XRCC4: variants seen among roughly 807,000 people sequenced by gnomAD.
XRCC4 encodes X-ray repair cross complementing 4.
Under a neutral mutation model 39.1 loss-of-function variants are expected in XRCC4, and 28 were observed. The ratio of observed to expected loss-of-function variants is 0.72; its 90% CI spans 0.53 to 0.98. The LOEUF (loss-of-function observed/expected upper bound fraction) is 0.98, where lower values mean the gene tolerates loss of function less well. Ranked by LOEUF, XRCC4 falls within the 50% of genes least tolerant of loss-of-function variation. The pLI, the probability that XRCC4 is intolerant of heterozygous loss-of-function variation, is 0.00. For missense variants in XRCC4, 350 were observed against 376.4 expected, an observed-to-expected ratio of 0.93 and a Z score of 0.58; for synonymous variants, 123 against 126.4, an observed-to-expected ratio of 0.97 and a Z score of 0.18.
chr5:83,233,625 T>C (rs1289189437), intron 6 of XRCC4, among the ~76,000 whole-genome samples: 1 of 151,584 alleles, frequency 6.6e-6, no homozygotes, highest in Non-Finnish European at 1.5e-5. Flanking sequence ...CGGTGGCTCA[T>C]GCCTGTAATC....
chr5:83,270,201 G>T lies in XRCC4; in HGVS notation c.893+11524G>T, dbSNP rs182461052. Among the ~76,000 whole-genome samples, 707 of 152,252 alleles carry T rather than the reference G, an allele frequency of 4.6e-3. 5 individuals carry two copies. The highest frequency in any genetic ancestry group is 7.3e-3 in the Non-Finnish European group (495 of 68,022). On this transcript the variant is annotated intron_variant, in intron 7 of 7. Transcript: ENST00000396027. ...GTGGAGCTCAGGTGGTAATGTGAGTGATGGGAGGCGGCTGTAAATACAGAT... is the reference window on the plus strand; with the variant it reads ...GTGGAGCTCAGGTGGTAATGTGAGTTATGGGAGGCGGCTGTAAATACAGAT...
At chr5:83,296,676 TAAAG>T (rs1755106351) in intron 7 of XRCC4, among the ~76,000 whole-genome samples, 1 of 151,922 alleles carries the variant, frequency 6.6e-6, no homozygotes, top group African/African-American at 2.4e-5. Context: ...AAAAAACAAT[TAAAG>T]AAGAGCAATA....
intron 3 of XRCC4, among the ~76,000 whole-genome samples, chr5:83,120,975 A>G (rs1382840404): frequency 6.6e-6 from 1 of 152,114 alleles, no homozygotes; most frequent in East Asian, 1.9e-4. Context: ...TCCCCAGAAA[A>G]CCACTGATTA....
intron 6 of XRCC4, among the ~76,000 whole-genome samples, chr5:83,242,195 T>TGTGTAA (rs1752941291): frequency 6.6e-6 from 1 of 150,558 alleles, no homozygotes; most frequent in Non-Finnish European, 1.5e-5. Context: ...TGTGTGTGTG[T>TGTGTAA]GTGTAAGCTG....
At chr5:83,212,269 T>A (rs750615822) in intron 6 of XRCC4, among the ~76,000 whole-genome samples, 6 of 151,960 alleles carry the variant, frequency 3.9e-5, no homozygotes, top group Non-Finnish European at 8.8e-5. Flanking sequence ...TTATTTGAAA[T>A]GAACAATATG....
At chr5:83,084,748 A>G (rs1233403398) in intron 1 of XRCC4, among the ~76,000 whole-genome samples, 2 of 152,124 alleles carry the variant, frequency 1.3e-5, no homozygotes, top group Non-Finnish European at 2.9e-5. Flanking sequence ...TTTGCGTTTA[A>G]AATACTGTTT....
chr5:83,223,484 G>C (rs976442878), intron 6 of XRCC4, among the ~76,000 whole-genome samples: 1 of 151,276 alleles, frequency 6.6e-6, no homozygotes, highest in African/African-American at 2.4e-5. Flanking sequence ...GCTTTTTGCA[G>C]TTTTTTTGTT....
At chr5:83,080,783 G>A (rs1194815575) in intron 1 of XRCC4, among the ~76,000 whole-genome samples, 1 of 152,076 alleles carries the variant, frequency 6.6e-6, no homozygotes, top group Non-Finnish European at 1.5e-5. Context: ...CAAGAGTAAC[G>A]ACGCTGGCAA....
chr5:83,143,444 A>C (rs1748280887), intron 3 of XRCC4, among the ~76,000 whole-genome samples: 1 of 152,172 alleles, frequency 6.6e-6, no homozygotes, highest in African/African-American at 2.4e-5. Context: ...GTAACAATCT[A>C]AACTAAAAAA....
At chr5:83,241,443 C>A (rs1752905734) in intron 6 of XRCC4, among the ~76,000 whole-genome samples, 1 of 152,006 alleles carries the variant, frequency 6.6e-6, no homozygotes, top group Admixed American at 6.5e-5. Context: ...TGAATTAATT[C>A]TGTTAAATAA....
chr5:83,236,470 A>G (rs1752694897), intron 6 of XRCC4, among the ~76,000 whole-genome samples: 2 of 152,108 alleles, frequency 1.3e-5, no homozygotes, highest in African/African-American at 4.8e-5. Flanking sequence ...ACATGGGGAA[A>G]AGAACAGTCT....
intron 7 of XRCC4, among the ~76,000 whole-genome samples, chr5:83,340,316 C>T (rs989696594): frequency 6.6e-6 from 1 of 152,110 alleles, no homozygotes; most frequent in Non-Finnish European, 1.5e-5. Flanking sequence ...GAGATGTCTA[C>T]GTCTTAATTC....
chr5:83,261,996 A>G (rs1753768893), intron 7 of XRCC4, among the ~76,000 whole-genome samples: 1 of 152,156 alleles, frequency 6.6e-6, no homozygotes, highest in Admixed American at 6.6e-5. Flanking sequence ...AAACAAAATC[A>G]TAATAATTTT....
chr5:83,325,052 G>C (rs1426217603), intron 7 of XRCC4, among the ~76,000 whole-genome samples: 1 of 151,974 alleles, frequency 6.6e-6, no homozygotes, highest in South Asian at 2.1e-4. Flanking sequence ...TTCTTTGGCA[G>C]GTAGGTGTCT....
chr5:83,288,169 G>GT (rs954107935), intron 7 of XRCC4, among the ~76,000 whole-genome samples: 9 of 151,960 alleles, frequency 5.9e-5, no homozygotes, highest in Non-Finnish European at 1.0e-4. Context: ...TTGCTAAGGT[G>GT]TTTTTTATGG....
intron 7 of XRCC4, among the ~76,000 whole-genome samples, chr5:83,329,289 G>C (rs1205155089): frequency 6.6e-6 from 1 of 151,946 alleles, no homozygotes; most frequent in Non-Finnish European, 1.5e-5. Flanking sequence ...GTATAAATTT[G>C]ACCACATTAA....
chr5:83,278,936 C>T (rs1373808137), intron 7 of XRCC4, among the ~76,000 whole-genome samples: 1 of 146,084 alleles, frequency 6.8e-6, no homozygotes, highest in South Asian at 2.1e-4. Flanking sequence ...TGCAGTGAGC[C>T]GAGATCGTGC....
chr5:83,135,949 T>G (rs1747876994), intron 3 of XRCC4, among the ~76,000 whole-genome samples: 1 of 152,248 alleles, frequency 6.6e-6, no homozygotes, highest in Non-Finnish European at 1.5e-5. Flanking sequence ...GATTGTATGC[T>G]AAACATTGTG....
At chr5:83,124,542 T>C (rs183231950) in intron 3 of XRCC4, among the ~76,000 whole-genome samples, 1 of 152,280 alleles carries the variant, frequency 6.6e-6, no homozygotes, top group African/African-American at 2.4e-5. Flanking sequence ...GAAAAAAACC[T>C]TTAGGTTGTT....
Sources: allele counts gnomAD v4.1 joint callset (sites outside exome capture counted in the v4.1 genomes callset), GRCh38; gene constraint gnomAD v4.1.1; transcripts MANE v1.5; gene names NCBI Gene and HGNC (gene_info 2026-07-23, HGNC 2026-07-21).